The following SNRPN variants were observed in gnomAD, a reference collection of about 807,000 sequenced individuals.
SNRPN encodes the protein small nuclear ribonucleoprotein-associated protein N.
In SNRPN, 7 loss-of-function variants were observed where a neutral mutation model predicts 25.2. The ratio of observed to expected loss-of-function variants is 0.28; its 90% CI spans 0.16 to 0.52. The LOEUF is 0.52. Among genes scored for constraint, SNRPN ranks in the 20% least tolerant of loss-of-function variants. SNRPN has a pLI of 0.96. For missense variants in SNRPN, 196 were observed against 322.5 expected (o/e 0.61, Z 3.00); for synonymous variants, 124 against 110.6 (o/e 1.12, Z -0.76).
intron 3 of SNRPN, among the ~76,000 whole-genome samples, chr15:24,945,582 G>A (rs962426939): frequency 6.6e-6 from 1 of 152,066 alleles, no homozygotes; most frequent in African/African-American, 2.4e-5. Flanking sequence ...CAGCAGGCAG[G>A]ATTTGGCATA....
rs879473463 is a variant in SNRPN, at chr15:24,955,026, T to A, written c.-427T>A. ...CCGCCGGAGATGCCTGACGCATCTGTCTGAGGAGCGGTCAGTGACGCGATG... is the reference window on the plus strand; with the variant it reads ...CCGCCGGAGATGCCTGACGCATCTGACTGAGGAGCGGTCAGTGACGCGATG... On this transcript the variant is annotated 5_prime_UTR_variant, in exon 1 of 10. Transcript: ENST00000390687. 1 of 1,612,726 alleles carries A rather than the reference T, an allele frequency of 6.2e-7. No homozygotes were observed. Among genetic ancestry groups the A allele is most frequent in the Admixed American group, 1.7e-5 (1 of 59,994 alleles).
chr15:24,957,010 C>G (rs982340675), intron 1 of SNRPN, among the ~76,000 whole-genome samples: 1 of 152,136 alleles, frequency 6.6e-6, no homozygotes, highest in Non-Finnish European at 1.5e-5. Flanking sequence ...AAAATCGTAC[C>G]TTTTCATTTT....
At chr15:24,855,045 A>G (rs1336137754), upstream of SNRPN, among the ~76,000 whole-genome samples, 1 of 152,112 alleles carries the variant, frequency 6.6e-6, no homozygotes, top group Non-Finnish European at 1.5e-5. Context: ...AGAAGCCTCT[A>G]GAAGATTTGT....
intron 3 of SNRPN, among the ~76,000 whole-genome samples, chr15:24,926,427 T>C (rs1281757880): frequency 6.6e-6 from 1 of 152,160 alleles, no homozygotes; most frequent in Non-Finnish European, 1.5e-5. Context: ...CCTGACATGA[T>C]TATGAATAAT....
intron 3 of SNRPN, among the ~76,000 whole-genome samples, chr15:24,925,499 G>A (rs532056706): frequency 2.0e-5 from 3 of 151,964 alleles, no homozygotes; most frequent in Non-Finnish European, 2.9e-5. Context: ...CACTTCCCTG[G>A]CTCCACACCC....
chr15:24,913,314 T>C (rs1434494721), intron 2 of SNRPN, among the ~76,000 whole-genome samples: 1 of 152,152 alleles, frequency 6.6e-6, no homozygotes, highest in Non-Finnish European at 1.5e-5. Flanking sequence ...AAAAATATTC[T>C]ATCTCAGGGA....
At chr15:24,922,788 CT>C (rs905919784) in intron 3 of SNRPN, among the ~76,000 whole-genome samples, 14 of 144,026 alleles carry the variant, frequency 9.7e-5, no homozygotes, top group African/African-American at 1.5e-4. Flanking sequence ...TAGCATGTAT[CT>C]TTCTCACTGT....
upstream of SNRPN, chr15:24,954,957 G>C (rs1283962073): frequency 6.3e-7 from 1 of 1,578,104 alleles, no homozygotes. Context: ...GGATGTGTGC[G>C]AAGCCTGCCG....
chr15:24,933,679 C>T (rs565586782), intron 3 of SNRPN, among the ~76,000 whole-genome samples: 83 of 152,264 alleles, frequency 5.5e-4, no homozygotes, highest in Admixed American at 1.1e-3. Context: ...AAAGGGATTG[C>T]CAGAAGGGCA....
At chr15:24,949,273 C>T (rs1253315520) in intron 3 of SNRPN, among the ~76,000 whole-genome samples, 4 of 151,958 alleles carry the variant, frequency 2.6e-5, no homozygotes, top group East Asian at 1.9e-4. Flanking sequence ...CCACCTGCCT[C>T]GGCCTCCCAA....
At chr15:24,835,098 ATATATATAC>A (rs2051011035) in intron 2 of SNRPN, among the ~76,000 whole-genome samples, 1 of 14,968 alleles carries the variant, frequency 6.7e-5, no homozygotes, top group African/African-American at 1.4e-4. Flanking sequence ...AAATATATAG[ATATATATAC>A]TATATATCTA....
intron 3 of SNRPN, among the ~76,000 whole-genome samples, chr15:24,935,283 A>G (rs2061150766): frequency 6.6e-6 from 1 of 152,160 alleles, no homozygotes; most frequent in African/African-American, 2.4e-5. Flanking sequence ...AAAAAAAAAA[A>G]AGTTCGATTT....
At chr15:24,883,957 G>A (rs1469976663) in intron 1 of SNRPN, among the ~76,000 whole-genome samples, 1 of 144,832 alleles carries the variant, frequency 6.9e-6, no homozygotes, top group African/African-American at 2.6e-5. Context: ...AGTGAGCTGA[G>A]ATCGTGTCAC....
At chr15:24,930,834 G>A (rs1265398613) in intron 3 of SNRPN, among the ~76,000 whole-genome samples, 1 of 151,870 alleles carries the variant, frequency 6.6e-6, no homozygotes, top group African/African-American at 2.4e-5. Flanking sequence ...GGGAGGTGGA[G>A]GTTGCAGCGA....
chr15:24,939,752 G>GTTT (rs35465024), intron 3 of SNRPN, among the ~76,000 whole-genome samples: 3 of 141,530 alleles, frequency 2.1e-5, no homozygotes, highest in East Asian at 2.1e-4. Flanking sequence ...TTAAAATCAG[G>GTTT]TTTTTTTTTT....
intron 2 of SNRPN, among the ~76,000 whole-genome samples, chr15:24,841,394 G>A (rs2143130649): frequency 6.6e-6 from 1 of 152,042 alleles, no homozygotes; most frequent in South Asian, 2.1e-4. Context: ...TTGCTCACAG[G>A]GCTCTACCCA....
chr15:24,942,865 G>A (rs192624581), intron 3 of SNRPN, among the ~76,000 whole-genome samples: 24 of 152,234 alleles, frequency 1.6e-4, no homozygotes, highest in Admixed American at 4.6e-4. Context: ...AAACCCATGC[G>A]TAACCTTCAT....
At chr15:24,883,217 G>A (rs1301042437) in intron 1 of SNRPN, among the ~76,000 whole-genome samples, 3 of 152,254 alleles carry the variant, frequency 2.0e-5, no homozygotes, top group Non-Finnish European at 4.4e-5. Flanking sequence ...CGGCTTTGCA[G>A]CCAAGTAAGC....
chr15:24,905,829 G>C (rs2058763098), intron 2 of SNRPN, among the ~76,000 whole-genome samples: 1 of 152,184 alleles, frequency 6.6e-6, no homozygotes, highest in Non-Finnish European at 1.5e-5. Context: ...ACAGTCTAAT[G>C]AGTTTTCCTA....
Sources: allele counts gnomAD v4.1 joint callset (sites outside exome capture counted in the v4.1 genomes callset), GRCh38; gene constraint gnomAD v4.1.1; transcripts MANE v1.5; gene names NCBI Gene and HGNC (gene_info 2026-07-23, HGNC 2026-07-21).